TMEM71: variants seen among roughly 807,000 people sequenced by gnomAD.
The protein encoded by TMEM71 is transmembrane protein 71.
Under a neutral mutation model 38.0 loss-of-function variants are expected in TMEM71, and 44 were observed. The observed-to-expected ratio is 1.16, with a 90% CI of 0.91 to 1.49. The LOEUF is 1.49. Ranked by LOEUF, TMEM71 falls within the 40% of genes most tolerant of loss-of-function variation. TMEM71 has a pLI of 0.00. For synonymous variants in TMEM71, 133 were observed against 122.5 expected, an observed-to-expected ratio of 1.09 and a Z score of -0.56; for missense variants, 367 against 348.6, an observed-to-expected ratio of 1.05 and a Z score of -0.42.
At chr8:132,751,382 A>G (rs914269173) in intron 4 of TMEM71, among the ~76,000 whole-genome samples, 12 of 152,166 alleles carry the variant, frequency 7.9e-5, no homozygotes, top group Admixed American at 3.3e-4. Flanking sequence ...AGCCATCACC[A>G]CCACTAGTGA....
In TMEM71 at chr8:132,750,884, T is replaced by A. The variant is rs190071070; in HGVS notation, c.314+901A>T. Among the ~76,000 whole-genome samples, 18 of 152,324 alleles carry A rather than the reference T, an allele frequency of 1.2e-4. 1 individual carries two copies. The highest frequency in any genetic ancestry group is 4.3e-4 in the African/African-American group (18 of 41,578). ...CTTCCTTTGCTTGACCTCCCACATC[T>A]TTGGATGATGAAGATTCCACCCCTT... On this transcript the variant is annotated intron_variant, in intron 4 of 9. Coordinates refer to ENST00000677595, the MANE Select transcript of TMEM71 (RefSeq NM_001382403.1).
Position 132,746,968 on chromosome 8 carries a change from A to G in TMEM71, c.461T>C (p.Leu154Ser). ...ATTTCCATTGCAATGGTCTGTGTCCAACCTCCTGGTCCCCTTCAACCAGTT... is the reference window on the plus strand; with the variant it reads ...ATTTCCATTGCAATGGTCTGTGTCCGACCTCCTGGTCCCCTTCAACCAGTT... ...EDNWLKGTRR[L>S]DTDHCNGNAD... is the part of the protein sequence containing the mutation. The change falls in exon 5 of 10, where the codon TTG becomes TCG. Residue 154 changes from leucine to serine, a missense_variant. Coordinates refer to ENST00000677595, the MANE Select transcript of TMEM71 (RefSeq NM_001382403.1). The G allele has an allele frequency of 6.2e-7, 1 of 1,608,484 alleles. No homozygotes were observed. Among genetic ancestry groups the G allele is most frequent in the Non-Finnish European group, 8.5e-7 (1 of 1,178,466 alleles).
At chr8:132,753,268 A>C (rs1348152751) in intron 3 of TMEM71, among the ~76,000 whole-genome samples, 1 of 152,074 alleles carries the variant, frequency 6.6e-6, no homozygotes, top group Non-Finnish European at 1.5e-5. Flanking sequence ...ATCTGGTAAA[A>C]CCTATGAAAA....
At chr8:132,757,332 A>G in intron 2 of TMEM71, 38 bp from the exon 3 acceptor site, 1 of 1,464,812 alleles carries the variant, frequency 6.8e-7, no homozygotes, top group Non-Finnish European at 9.6e-7. Context: ...AATGTATCAT[A>G]CCTGATCAAC....
At chr8:132,712,437 G>A (rs901027160) in intron 9 of TMEM71, among the ~76,000 whole-genome samples, 1 of 152,106 alleles carries the variant, frequency 6.6e-6, no homozygotes, top group Non-Finnish European at 1.5e-5. Context: ...CCTGCAGATC[G>A]GATATTGGCT....
intron 5 of TMEM71, among the ~76,000 whole-genome samples, chr8:132,731,265 C>T (rs555139385): frequency 1.3e-5 from 2 of 152,178 alleles, no homozygotes; most frequent in South Asian, 2.1e-4. Context: ...ACCCTAGTTA[C>T]GTGACCAAAT....
At chr8:132,728,870 T>G (rs1382472512) in intron 5 of TMEM71, among the ~76,000 whole-genome samples, 1 of 152,228 alleles carries the variant, frequency 6.6e-6, no homozygotes, top group Non-Finnish European at 1.5e-5. Flanking sequence ...AAATATCTTG[T>G]GATAAGTGTC....
intron 5 of TMEM71, among the ~76,000 whole-genome samples, chr8:132,729,087 T>G (rs1256448031): frequency 6.6e-6 from 1 of 152,244 alleles, no homozygotes; most frequent in Non-Finnish European, 1.5e-5. Context: ...AAGTCAAGTT[T>G]ATTGCAAAAG....
At chr8:132,746,487 A>G (rs1204878574) in intron 5 of TMEM71, among the ~76,000 whole-genome samples, 3 of 16,564 alleles carry the variant, frequency 1.8e-4, no homozygotes, top group Non-Finnish European at 3.7e-4. Flanking sequence ...ATATATATAT[A>G]CATATATATA....
Position 132,747,016 on chromosome 8 carries a change from A to G in TMEM71, c.413T>C (p.Ile138Thr), listed in dbSNP as rs1828428508. Reference sequence around the variant, plus strand: ...GTTGTCTTCACTTGGAGAAGAGTTGATGTCACCAAAGATACTTCCATGCAG... The same window carrying G: ...GTTGTCTTCACTTGGAGAAGAGTTGGTGTCACCAAAGATACTTCCATGCAG... Reference protein sequence around the residue: ...SWLHGSIFGDINSSPSEDNWL... With the variant: ...SWLHGSIFGDTNSSPSEDNWL... The change falls in exon 5 of 10, where the codon ATC becomes ACC. Residue 138 changes from isoleucine (I) to threonine (T), a missense_variant. Ile to Thr is a moderately conservative substitution (Grantham distance 89). Transcript: ENST00000677595. The G allele has an allele frequency of 1.2e-6, 2 of 1,613,862 alleles. No individual in the cohort carries two copies. Among genetic ancestry groups the G allele is most frequent in the Non-Finnish European group, 1.7e-6 (2 of 1,179,916 alleles).
chr8:132,739,161 C>A (rs1327689753), intron 5 of TMEM71, among the ~76,000 whole-genome samples: 1 of 152,180 alleles, frequency 6.6e-6, no homozygotes, highest in South Asian at 2.1e-4. Context: ...TTGCATTATA[C>A]GACTCCTCTA....
intron 9 of TMEM71, among the ~76,000 whole-genome samples, chr8:132,711,729 T>C (rs953975951): frequency 6.6e-6 from 1 of 152,118 alleles, no homozygotes; most frequent in African/African-American, 2.4e-5. Flanking sequence ...AGGAAAGCAG[T>C]TGACTAAGAA....
At chr8:132,746,875 G>T in intron 5 of TMEM71, 67 bp downstream of exon 5, 1 of 1,329,880 alleles carries the variant, frequency 7.5e-7, no homozygotes, top group South Asian at 1.7e-5. Flanking sequence ...ATTGGTTGAG[G>T]ACCACAGGGT....
At chr8:132,731,840 C>G (rs1238624431) in intron 5 of TMEM71, among the ~76,000 whole-genome samples, 1 of 152,172 alleles carries the variant, frequency 6.6e-6, no homozygotes, top group African/African-American at 2.4e-5. Flanking sequence ...ACTTTCTCTG[C>G]CTTGATTGCT....
chr8:132,765,848 G>T, the TMEM71 span, among the ~76,000 whole-genome samples: 1 of 151,914 alleles, frequency 6.6e-6, no homozygotes, highest in South Asian at 2.1e-4. Context: ...GAGTGCAGTG[G>T]CACGATCTCG....
chr8:132,709,294 G>T (rs1008660992), downstream of TMEM71, among the ~76,000 whole-genome samples: 1 of 152,256 alleles, frequency 6.6e-6, no homozygotes, highest in South Asian at 2.1e-4. Flanking sequence ...GTGGATTGTG[G>T]ATCACTTTGT....
chr8:132,734,227 G>A (rs1470865987), intron 5 of TMEM71, among the ~76,000 whole-genome samples: 2 of 151,946 alleles, frequency 1.3e-5, no homozygotes, highest in East Asian at 3.9e-4. Context: ...GGACATGTTG[G>A]GTATGTCTAT....
At chr8:132,720,907 T>C (rs59366650) in intron 7 of TMEM71, among the ~76,000 whole-genome samples, 61,531 of 151,902 alleles carry the variant, frequency 0.41, 13,728 homozygotes, top group African/African-American at 0.6. Context: ...GTGTCTGCTG[T>C]CAGGCAGCTC....
chr8:132,735,543 G>T (rs967889403), intron 5 of TMEM71, among the ~76,000 whole-genome samples: 1 of 152,152 alleles, frequency 6.6e-6, no homozygotes. Flanking sequence ...AGTTCTGTGT[G>T]CGCCCAGGTT....
Sources: gnomAD v4.1 joint callset for allele counts (sites outside exome capture counted in the v4.1 genomes callset) on GRCh38, gnomAD v4.1.1 for gene constraint, MANE v1.5 for transcripts, NCBI Gene and HGNC (gene_info 2026-07-23, HGNC 2026-07-21) for gene names.